The following PARP6 variants were observed in gnomAD, a reference collection of about 807,000 sequenced individuals.
PARP6 encodes protein mono-ADP-ribosyltransferase PARP6.
Under a neutral mutation model 92.0 loss-of-function variants are expected in PARP6, and 27 were observed. The ratio of observed to expected loss-of-function variants is 0.29; its 90% CI spans 0.22 to 0.40. The LOEUF is 0.40. PARP6 is among the 10% of genes least tolerant of loss of function. PARP6 has a pLI of 1.00. For missense variants in PARP6, 501 were observed against 784.5 expected, an observed-to-expected ratio of 0.64 and a Z score of 4.32; for synonymous variants, 272 against 281.2, an observed-to-expected ratio of 0.97 and a Z score of 0.33.
rs1379557358 is a variant in PARP6 at position 72,242,874 on chromosome 15, C to T, written c.1562-175G>A. 1.7e-6 allele frequency: 1 copy of T among 585,990 alleles called. No individual in the cohort carries two copies. Among genetic ancestry groups the T allele is most frequent in the Non-Finnish European group, 3.0e-6 (1 of 330,174 alleles). 36.3% of individuals were successfully genotyped at this position (585,990 alleles called of 1,614,324 possible). A position where few individuals can be genotyped will look rare whatever the true frequency, so the allele number is the denominator to read the frequency against. ...ACAAGCAAGAACAAGTAATTAACAA[C>T]ACAGCATGGTAAGGGGTTGTGATGC... On this transcript the variant is annotated intron_variant, in intron 20 of 23. Coordinates refer to ENST00000569795, the MANE Select transcript of PARP6 (RefSeq NM_001323532.2). The surrounding 1 kb of genome is among the most constrained non-coding windows in gnomAD (Gnocchi z 4.3).
intron 20 of PARP6, chr15:72,243,024 C>A (rs188851659): frequency 7.1e-6 from 2 of 283,136 alleles, no homozygotes; most frequent in African/African-American, 2.2e-5. Context: ...AAATAAACAG[C>A]GGGGAAGTGT....
At position 72,241,449 on chromosome 15, in the gene PARP6, G is replaced by A. The variant is rs771804080; in HGVS notation, c.*6C>T. ...TAACAGGGGTGGTACGAGGGCTGGG[G>A]CCCCCTCAGTTTGTGTAAACCTGAG... On this transcript the variant is annotated 3_prime_UTR_variant, in exon 24 of 24. Coordinates refer to ENST00000569795, the MANE Select transcript of PARP6 (RefSeq NM_001323532.2). The surrounding 1 kb of genome is among the most constrained non-coding windows in gnomAD (Gnocchi z 4.1). The A allele has an allele frequency of 1.2e-6, 2 of 1,608,244 alleles. No individual in the cohort carries two copies. The highest frequency in any genetic ancestry group is 2.2e-5 in the South Asian group (2 of 90,916).
At chr15:72,245,229 G>C (rs1003172816) in intron 20 of PARP6, 2 of 152,288 alleles carry the variant, frequency 1.3e-5, no homozygotes, top group African/African-American at 4.8e-5. Context: ...TGGGCGTGGT[G>C]GTGGGCGCCT....
At chr15:72,256,976 C>T (rs1239064941) in intron 13 of PARP6, among the ~76,000 whole-genome samples, 2 of 152,160 alleles carry the variant, frequency 1.3e-5, no homozygotes, top group African/African-American at 4.8e-5. Flanking sequence ...CTCCTGAGCT[C>T]AAGCCATCCT....
intron 11 of PARP6, 99 bp downstream of exon 11, chr15:72,259,509 A>G (rs976737365): frequency 1.1e-6 from 1 of 933,602 alleles, no homozygotes; most frequent in African/African-American, 1.6e-5. Flanking sequence ...AAGCAAAGCA[A>G]TTCAGAAAGT....
chr15:72,241,470 C>T lies in PARP6; in HGVS notation c.1878G>A (p.Gln626=). 1 of 1,614,028 alleles carries T rather than the reference C, an allele frequency of 6.2e-7. No homozygotes were observed. The highest frequency in any genetic ancestry group is 1.1e-5 in the South Asian group (1 of 91,076). ...TGGGGCCCCCTCAGTTTGTGTAAAC[C>T]TGAGTTCCGATCACACGCATGATTT... ...QKEIMRVIGT[Q]VYTN is the part of the protein sequence containing the mutation. The change falls in exon 24 of 24, where the codon CAG becomes CAA. Residue 626 remains glutamine, a synonymous_variant. Coordinates refer to ENST00000569795, the MANE Select transcript of PARP6 (RefSeq NM_001323532.2). This position sits in a 1 kb window ranked among gnomAD's most constrained non-coding sequence, Gnocchi z 4.1.
In PARP6 at chr15:72,259,594, T is replaced by C. The variant is rs779724736; in HGVS notation, c.810+14A>G. On this transcript the variant is annotated intron_variant, in intron 11 of 23. Transcript: ENST00000569795. ...CAGGGAAGGGCTTCGGAGTGACAAT[T>C]TTGACTTGATTACCTGAACGAGGAA... The C allele has an allele frequency of 6.2e-7, 1 of 1,613,426 alleles. No homozygotes were observed. Among genetic ancestry groups the C allele is most frequent in the Non-Finnish European group, 8.5e-7 (1 of 1,179,450 alleles).
intron 17 of PARP6, 38 bp downstream of exon 17, chr15:72,251,169 A>G: frequency 1.4e-6 from 2 of 1,426,000 alleles, no homozygotes; most frequent in Non-Finnish European, 2.0e-6. Flanking sequence ...GCCCCTCACC[A>G]GAAATTTAAA....
intron 14 of PARP6, 48 bp from the exon 15 acceptor site, chr15:72,254,568 G>A (rs2084812552): frequency 2.7e-6 from 4 of 1,464,408 alleles, no homozygotes; most frequent in Admixed American, 1.7e-5. Context: ...GAAAAGTAGA[G>A]GAAAGTAAGA....
Position 72,242,087 on chromosome 15 carries a change from C to T in PARP6, c.1705+70G>A, listed in dbSNP as rs185432952. 3.3e-3 allele frequency: 4,921 copies of T among 1,506,564 alleles called. 82 individuals are homozygous for T. The highest frequency in any genetic ancestry group is 0.029 in the South Asian group (2,567 of 88,788). 93.3% of individuals were successfully genotyped at this position (1,506,564 alleles called of 1,614,324 possible). A position where few individuals can be genotyped will look rare whatever the true frequency, so the allele number is the denominator to read the frequency against. ...ACTTCAACATCACTCTTGGCCAGAT[C>T]ATGTGCCAAAATTACATCAGAAACA... is the stretch of plus-strand genomic sequence containing the variant. On this transcript the variant is annotated intron_variant, in intron 22 of 23. Coordinates refer to ENST00000569795, the MANE Select transcript of PARP6 (RefSeq NM_001323532.2). This position sits in a 1 kb window ranked among gnomAD's most constrained non-coding sequence, Gnocchi z 4.3.
chr15:72,260,139 TGGC>T (rs2085664022), intron 10 of PARP6, among the ~76,000 whole-genome samples: 2 of 152,146 alleles, frequency 1.3e-5, no homozygotes, highest in African/African-American at 4.8e-5. Context: ...CTGGCCAACA[TGGC>T]AAAAGCCCGT....
chr15:72,248,019 C>T (rs1254088996), intron 20 of PARP6, among the ~76,000 whole-genome samples: 2 of 152,184 alleles, frequency 1.3e-5, no homozygotes, highest in South Asian at 2.1e-4. Context: ...GATCTGCCCA[C>T]ATCAGCCTCC....
intron 16 of PARP6, among the ~76,000 whole-genome samples, chr15:72,252,531 G>T (rs758165122): frequency 1.3e-5 from 2 of 151,942 alleles, no homozygotes; most frequent in African/African-American, 2.4e-5. Context: ...TGTTGCCCAG[G>T]CTGGAGTGTA....
At chr15:72,266,598 C>G (rs891846651) in intron 4 of PARP6, 147 bp downstream of exon 4, 3 of 630,010 alleles carry the variant, frequency 4.8e-6, no homozygotes, top group Admixed American at 2.7e-5. Context: ...GGCACGGGAT[C>G]AGCTCTGACA....
chr15:72,270,670 A>G (rs1458661789), intron 2 of PARP6, among the ~76,000 whole-genome samples: 1 of 151,808 alleles, frequency 6.6e-6, no homozygotes, highest in Non-Finnish European at 1.5e-5. Context: ...TTGTTCCTTC[A>G]CTCTTCCAGA....
rs1344701509 is a variant in PARP6, at chr15:72,241,363, C to T, written c.*92G>A. 1 of 880,592 alleles carries T rather than the reference C, an allele frequency of 1.1e-6. No homozygotes were observed. 54.5% of individuals were successfully genotyped at this position (880,592 alleles called of 1,614,324 possible). A position where few individuals can be genotyped will look rare whatever the true frequency, so the allele number is the denominator to read the frequency against. ...GCCCCTTGGTAATGGCCCCTTGATT[C>T]CTCAGGGCAGCCTCAGCTGCTGTAC... is the stretch of plus-strand genomic sequence containing the variant. On this transcript the variant is annotated 3_prime_UTR_variant, in exon 24 of 24. Coordinates refer to ENST00000569795, the MANE Select transcript of PARP6 (RefSeq NM_001323532.2). This position sits in a 1 kb window ranked among gnomAD's most constrained non-coding sequence, Gnocchi z 4.1.
intron 15 of PARP6, chr15:72,253,765 A>G (rs1303653753): frequency 1.6e-6 from 1 of 631,936 alleles, no homozygotes. Context: ...CTACAGCCCT[A>G]AAAAGTTGAT....
chr15:72,248,625 A>C (rs2083928050), intron 20 of PARP6, among the ~76,000 whole-genome samples: 1 of 152,254 alleles, frequency 6.6e-6, no homozygotes, highest in Non-Finnish European at 1.5e-5. Flanking sequence ...CAAGCACAAA[A>C]GCAGACTGAA....
intron 14 of PARP6, 29 bp from the exon 15 acceptor site, chr15:72,254,549 C>G (rs748265280): frequency 6.4e-7 from 1 of 1,567,758 alleles, no homozygotes; most frequent in Non-Finnish European, 8.8e-7. Context: ...AAGAGAAGAA[C>G]CAAATAAAGA....
Sources: allele counts gnomAD v4.1 joint callset (sites outside exome capture counted in the v4.1 genomes callset), GRCh38; gene constraint gnomAD v4.1.1; non-coding constraint Gnocchi (gnomAD v3.1); transcripts MANE v1.5; gene names NCBI Gene and HGNC (gene_info 2026-07-23, HGNC 2026-07-21).